PRICKLE2: variants seen among roughly 807,000 people sequenced by gnomAD.
PRICKLE2 encodes prickle planar cell polarity protein 2, also known as prickle-like protein 2.
Under a neutral mutation model 81.4 loss-of-function variants are expected in PRICKLE2, and 21 were observed. The observed-to-expected ratio is 0.26, with a 90% CI of 0.18 to 0.37. The LOEUF (loss-of-function observed/expected upper bound fraction) is 0.37. PRICKLE2 is among the 10% of genes least tolerant of loss of function. The pLI, the probability that PRICKLE2 is intolerant of heterozygous loss-of-function variation, is 1.00. For synonymous variants in PRICKLE2, 456 were observed against 421.5 expected, an observed-to-expected ratio of 1.08 and a Z score of -1.00; for missense variants, 940 against 1,109.0, an observed-to-expected ratio of 0.85 and a Z score of 2.16.
chr3:64,245,568 G>T lies in PRICKLE2; in HGVS notation c.129-46601C>A, dbSNP rs567270599. On this transcript the variant is annotated intron_variant, in intron 2 of 8. Coordinates refer to the PRICKLE2 transcript ENST00000295902. Reference sequence around the variant, plus strand: ...TGAAGAGGTGACGTGTGTTGCAACAGACTTTAGGAGGTTGCACTGAGCAGT... The same window carrying T: ...TGAAGAGGTGACGTGTGTTGCAACATACTTTAGGAGGTTGCACTGAGCAGT... Among the ~76,000 whole-genome samples the T allele has an allele frequency of 2.6e-5, 4 of 152,312 alleles. No individual in the cohort carries two copies. In the South Asian group the frequency reaches 8.3e-4, roughly 32 times the overall value.
intron 2 of PRICKLE2, among the ~76,000 whole-genome samples, chr3:64,171,218 A>T (rs1559554869): frequency 6.6e-6 from 1 of 152,106 alleles, no homozygotes; most frequent in Non-Finnish European, 1.5e-5. Flanking sequence ...TGACTATCCT[A>T]ATAAATTAGC....
intron 2 of PRICKLE2, among the ~76,000 whole-genome samples, chr3:64,176,062 G>A (rs1291329105): frequency 2.6e-5 from 4 of 152,132 alleles, no homozygotes; most frequent in Admixed American, 6.5e-5. Context: ...TCACATTCAC[G>A]TTCGAGGTAA....
intron 7 of PRICKLE2, among the ~76,000 whole-genome samples, chr3:64,108,004 C>A (rs2076783041): frequency 6.6e-6 from 1 of 152,148 alleles, no homozygotes; most frequent in Non-Finnish European, 1.5e-5. Context: ...TTGTTTAGAA[C>A]AGCGGTTTGC....
rs1248487385 is a variant in PRICKLE2, at chr3:64,163,122, T to C, written c.152A>G (p.Gln51Arg). Residue 51 changes from glutamine (Q) to arginine (R), a missense_variant, in exon 3 of 8, where the codon CAG (glutamine) becomes CGG (arginine). Coordinates refer to ENST00000638394, the MANE Select transcript of PRICKLE2 (RefSeq NM_198859.4). ...CTCTTCTGGGAGACAGCTATAGTAC[T>C]GGTGTACCTGAAGGACAGAAAGCAT... ...PPGLKPEQVH[Q>R]YYSCLPEEKV... The C allele has an allele frequency of 1.9e-6, 3 of 1,590,658 alleles. No individual in the cohort carries two copies. The African/African-American group carries it at 4.0e-5, about 21-fold the overall frequency.
At chr3:64,111,688 T>C (rs968629964) in intron 7 of PRICKLE2, among the ~76,000 whole-genome samples, 4 of 152,192 alleles carry the variant, frequency 2.6e-5, no homozygotes, top group Admixed American at 6.5e-5. Flanking sequence ...GTATATCCCA[T>C]TTATAGAAAG....
At chr3:64,255,586 G>C (rs758921583) in intron 2 of PRICKLE2, among the ~76,000 whole-genome samples, 85 of 152,304 alleles carry the variant, frequency 5.6e-4, no homozygotes, top group Non-Finnish European at 8.8e-5. Context: ...TCAAATCCCA[G>C]TCTGCTGCCA....
rs1214149319 is a variant in PRICKLE2 at position 64,262,817 on chromosome 3, T to C, written c.129-63850A>G. On this transcript the variant is annotated intron_variant, in intron 2 of 8. Transcript: ENST00000295902. The stretch of plus-strand genomic sequence containing the variant: ...ATATTTAACCCTCCCTAAAACTCCA[T>C]AGGGTAGGTGTCCCAATTATTTCCA... 3.3e-5 allele frequency among the ~76,000 whole-genome samples: 5 copies of C among 152,248 alleles called. No homozygotes were observed. The South Asian group carries it at 6.2e-4, about 19-fold the overall frequency.
intron 2 of PRICKLE2, among the ~76,000 whole-genome samples, chr3:64,165,431 C>A (rs1206265848): frequency 6.6e-6 from 1 of 152,138 alleles, no homozygotes; most frequent in African/African-American, 2.4e-5. Context: ...AGAGTGTAGG[C>A]ACAAGCATGT....
chr3:64,153,121 AC>A, intron 6 of PRICKLE2, 60 bp downstream of exon 6: 1 of 1,466,196 alleles, frequency 6.8e-7, no homozygotes, highest in South Asian at 1.1e-5. Flanking sequence ...CTTTAACTAC[AC>A]CCAAAACAAA....
In PRICKLE2 at chr3:64,099,434, T is replaced by C; in HGVS notation, c.2152A>G (p.Arg718Gly). ...AATTGGTCATAGTCCTCCCTGGCTC[T>C]CAGAGGGGGCCTATCTTTTAACCGG... ...ISRLKDRPPL[R>G]AREDYDQFMR... Residue 718 changes from arginine (R) to glycine (G), a missense_variant, in exon 8 of 8, where the codon AGA becomes GGA. Physicochemically the swap from Arg to Gly is moderately radical, Grantham distance 125. This residue lies in a region of PRICKLE2 where 670 missense variants were observed against 717.2 expected (regional missense o/e 0.93). Coordinates refer to ENST00000638394, the MANE Select transcript of PRICKLE2 (RefSeq NM_198859.4). This position sits in a 1 kb window ranked among gnomAD's most constrained non-coding sequence, Gnocchi z 4.3. The C allele has an allele frequency of 6.3e-7, 1 of 1,589,502 alleles. No individual in the cohort carries two copies.
upstream of PRICKLE2, among the ~76,000 whole-genome samples, chr3:64,228,054 G>A (rs891208359): frequency 1.3e-5 from 2 of 152,084 alleles, no homozygotes; most frequent in African/African-American, 4.8e-5. Flanking sequence ...ATGACCAAGA[G>A]GCGGGCTCCC....
intron 2 of PRICKLE2, among the ~76,000 whole-genome samples, chr3:64,165,321 T>C (rs2077811986): frequency 6.6e-6 from 1 of 152,194 alleles, no homozygotes; most frequent in African/African-American, 2.4e-5. Flanking sequence ...CCAGTAGATC[T>C]GGACCCCGAG....
At chr3:64,211,630 G>A (rs551063176) in intron 1 of PRICKLE2, among the ~76,000 whole-genome samples, 194 of 152,316 alleles carry the variant, frequency 1.3e-3, no homozygotes, top group African/African-American at 3.8e-3. Context: ...CTAGAAGGGT[G>A]TTTGGGAGTT....
intron 2 of PRICKLE2, among the ~76,000 whole-genome samples, chr3:64,178,452 A>G (rs2078062030): frequency 6.6e-6 from 1 of 152,168 alleles, no homozygotes; most frequent in African/African-American, 2.4e-5. Flanking sequence ...TTTTTCCTGG[A>G]TATGATACAT....
rs368886244 is a variant in PRICKLE2, at chr3:64,127,890, G to A, written c.1660+18940C>T. Among the ~76,000 whole-genome samples the A allele has an allele frequency of 1.5e-4, 23 of 152,140 alleles. No homozygotes were observed. The South Asian group carries it at 4.6e-3, about 30-fold the overall frequency. On this transcript the variant is annotated intron_variant, in intron 7 of 7. Transcript: ENST00000638394. Reference sequence around the variant, plus strand: ...AGAGACTCAGCTGCCTATCTTGAACGTTTTCCCCTACAGGAAGAGGGCAGC... The same window carrying A: ...AGAGACTCAGCTGCCTATCTTGAACATTTTCCCCTACAGGAAGAGGGCAGC...
intron 2 of PRICKLE2, among the ~76,000 whole-genome samples, chr3:64,244,019 A>G (rs568001090): frequency 6.6e-6 from 1 of 152,352 alleles, no homozygotes; most frequent in African/African-American, 2.4e-5. Context: ...GAAAAGTTGC[A>G]TCTTTCAGGG....
chr3:64,174,098 C>T (rs975704666), intron 2 of PRICKLE2, among the ~76,000 whole-genome samples: 5 of 152,090 alleles, frequency 3.3e-5, no homozygotes, highest in African/African-American at 9.7e-5. Flanking sequence ...TGTTATCAAA[C>T]TGTGTTCTAG....
chr3:64,186,995 G>A (rs986146301), intron 2 of PRICKLE2, among the ~76,000 whole-genome samples: 2 of 152,230 alleles, frequency 1.3e-5, no homozygotes, highest in African/African-American at 4.8e-5. Context: ...TGAATTTACT[G>A]TAAAGGTTGG....
intron 1 of PRICKLE2, chr3:64,200,010 C>T (rs560664555): frequency 1.0e-3 from 157 of 152,298 alleles, no homozygotes; most frequent in African/African-American, 3.4e-3. Context: ...TAAAACTCAC[C>T]ATTTCAAAGT....
Sources: allele counts gnomAD v4.1 joint callset (sites outside exome capture counted in the v4.1 genomes callset), GRCh38; gene constraint gnomAD v4.1.1; regional missense constraint gnomAD v4.1.1; non-coding constraint Gnocchi (gnomAD v3.1); transcripts MANE v1.5; gene names NCBI Gene and HGNC (gene_info 2026-07-23, HGNC 2026-07-21).